The following KLF8 variants were observed in gnomAD, a reference collection of about 807,000 sequenced individuals.
KLF8 encodes KLF transcription factor 8.
Under a neutral mutation model 18.2 loss-of-function variants are expected in KLF8, and 10 were observed. The ratio of observed to expected loss-of-function variants is 0.55; its 90% confidence interval spans 0.34 to 0.93. KLF8 has a LOEUF of 0.93. Among genes scored for constraint, KLF8 ranks in the 40% least tolerant of loss-of-function variants. The pLI, the probability that KLF8 is intolerant of heterozygous loss-of-function variation, is 0.02. For synonymous variants in KLF8, 109 were observed against 97.3 expected, an observed-to-expected ratio of 1.12 and a Z score of -0.71; for missense variants, 264 against 277.9, an observed-to-expected ratio of 0.95 and a Z score of 0.36.
Position 56,265,708 on chromosome X carries a change from C to T in KLF8, c.610C>T (p.Pro204Ser). 1 of 1,205,492 alleles carries T rather than the reference C, an allele frequency of 8.3e-7. No individual in the cohort carries two copies. The highest frequency in any genetic ancestry group is 1.1e-6 in the Non-Finnish European group (1 of 894,529). ...TGGGGGCCCTGCAGCCATTACAGTC[C>T]CACTCATTGGAGGAGATGGTAAAAA... ...ADGGPAAITV[P>S]LIGGDGKNAG... is the part of the protein sequence containing the mutation. The change falls in exon 3 of 6, where the codon CCA becomes TCA. Residue 204 changes from proline (P) to serine (S), a missense_variant. This residue lies in a region of KLF8 where 221 missense variants were observed against 193.6 expected (regional missense o/e 1.14). Transcript: ENST00000468660.
chrX:56,198,453 C>G, the KLF8 span, among the ~76,000 whole-genome samples: 1 of 111,837 alleles, frequency 8.9e-6, no homozygotes, highest in Non-Finnish European at 1.9e-5. Flanking sequence ...AACAGACAAA[C>G]AGAGAGCCAA....
the KLF8 span, chrX:55,961,689 A>G: frequency 2.5e-6 from 1 of 405,797 alleles, no homozygotes; most frequent in Non-Finnish European, 4.7e-6. Flanking sequence ...TGGGGAAATC[A>G]CACACCCATC....
chrX:55,967,920 G>A, the KLF8 span, among the ~76,000 whole-genome samples: 3 of 111,684 alleles, frequency 2.7e-5, no homozygotes, highest in African/African-American at 6.5e-5. Flanking sequence ...CTTATTGCTT[G>A]TCTGTTCATG....
At chrX:56,024,348 C>T in the KLF8 span, among the ~76,000 whole-genome samples, 3 of 110,332 alleles carry the variant, frequency 2.7e-5, no homozygotes, top group Non-Finnish European at 5.7e-5. Context: ...GCTGGAATTA[C>T]AGGCTCGCAC....
At chrX:56,278,610 C>A (rs776907819) in intron 5 of KLF8, among the ~76,000 whole-genome samples, 1 of 111,424 alleles carries the variant, frequency 9.0e-6, no homozygotes, top group Non-Finnish European at 1.9e-5. Context: ...AGCTGTGCAT[C>A]CTAGGGTTGG....
chrX:55,920,383 T>C, the KLF8 span, among the ~76,000 whole-genome samples: 2 of 111,411 alleles, frequency 1.8e-5, no homozygotes, highest in African/African-American at 6.5e-5. Flanking sequence ...ACCCAAAATA[T>C]CCTGCCAGCT....
the KLF8 span, among the ~76,000 whole-genome samples, chrX:55,938,327 G>C: frequency 1.8e-5 from 2 of 111,475 alleles, no homozygotes; most frequent in Non-Finnish European, 3.8e-5. Context: ...CAAATGCTGA[G>C]AGATTTTGTT....
At chrX:56,151,669 A>G in the KLF8 span, among the ~76,000 whole-genome samples, 1 of 111,006 alleles carries the variant, frequency 9.0e-6, no homozygotes, top group African/African-American at 3.3e-5. Context: ...TCAATTTTGA[A>G]CCAGTTCAGT....
chrX:56,202,559 T>TTC, the KLF8 span, among the ~76,000 whole-genome samples: 8 of 75,817 alleles, frequency 1.1e-4, no homozygotes, highest in East Asian at 4.6e-4. Flanking sequence ...CCATTAACCT[T>TTC]CCCCCCCCCT....
the KLF8 span, among the ~76,000 whole-genome samples, chrX:55,958,646 G>C: frequency 8.9e-6 from 1 of 112,187 alleles, no homozygotes; most frequent in Admixed American, 9.4e-5. Flanking sequence ...GGAATAGACA[G>C]AATAGAAATG....
the KLF8 span, among the ~76,000 whole-genome samples, chrX:56,162,858 G>A: frequency 1.3e-4 from 14 of 111,468 alleles, no homozygotes; most frequent in East Asian, 2.0e-3. Context: ...CTTCTGTGCC[G>A]CTCACACTGG....
At chrX:56,045,645 T>C in the KLF8 span, among the ~76,000 whole-genome samples, 2 of 112,035 alleles carry the variant, frequency 1.8e-5, no homozygotes, top group Non-Finnish European at 3.8e-5. Context: ...TATTACTAAT[T>C]ATTTTACTTT....
chrX:56,227,313 A>G, the KLF8 span, among the ~76,000 whole-genome samples: 1 of 109,487 alleles, frequency 9.1e-6, no homozygotes, highest in South Asian at 3.9e-4. Context: ...ACAATCTCAT[A>G]TATTTATTTG....
chrX:56,142,054 TTTTA>T, the KLF8 span, among the ~76,000 whole-genome samples: 1 of 112,062 alleles, frequency 8.9e-6, no homozygotes, highest in African/African-American at 3.2e-5. Context: ...CCCAGCAAAT[TTTTA>T]TTTATCTATC....
the KLF8 span, among the ~76,000 whole-genome samples, chrX:56,198,735 A>T: frequency 2.7e-5 from 3 of 112,100 alleles, no homozygotes; most frequent in African/African-American, 3.2e-5. Context: ...ATTGGAAAAA[A>T]CTACTTTGAA....
the KLF8 span, among the ~76,000 whole-genome samples, chrX:56,157,645 G>GA: frequency 7.2e-5 from 8 of 111,828 alleles, no homozygotes; most frequent in Non-Finnish European, 1.5e-4. Flanking sequence ...GGCCAGTGAT[G>GA]ATGAGCATTT....
At chrX:55,916,833 T>G in the KLF8 span, among the ~76,000 whole-genome samples, 2 of 112,219 alleles carry the variant, frequency 1.8e-5, no homozygotes, top group Admixed American at 1.9e-4. Flanking sequence ...ATGATTTTTT[T>G]TCAGTGACTT....
At position 56,241,648 on chromosome X, in the gene KLF8, A is replaced by G. The variant is rs779356590; in HGVS notation, c.7+8307A>G. Among the ~76,000 whole-genome samples the G allele has an allele frequency of 1.6e-4, 18 of 111,884 alleles. No homozygotes were observed. The Admixed American group carries it at 1.6e-3, about 10-fold the overall frequency. ...TATATCATAGAATGTTATAAACTGG[A>G]AGGGATCTGAAAAGGACTAAGTAGT... On this transcript the variant is annotated intron_variant, in intron 1 of 5. Coordinates refer to ENST00000468660, the MANE Select transcript of KLF8 (RefSeq NM_007250.5).
the KLF8 span, among the ~76,000 whole-genome samples, chrX:56,111,712 C>G: frequency 9.0e-6 from 1 of 111,528 alleles, no homozygotes; most frequent in African/African-American, 3.3e-5. Context: ...TTTATGCAGC[C>G]AACAAACATA....
Sources: gnomAD v4.1 joint callset for allele counts (sites outside exome capture counted in the v4.1 genomes callset) on GRCh38, gnomAD v4.1.1 for gene constraint, gnomAD v4.1.1 regional missense constraint, MANE v1.5 for transcripts, NCBI Gene and HGNC (gene_info 2026-07-23, HGNC 2026-07-21) for gene names.